Variants in CCDC146 observed in about 807,000 individuals in gnomAD.
CCDC146 encodes the protein coiled-coil domain-containing protein 146.
A neutral mutation model predicts 119.3 loss-of-function variants in CCDC146; 92 were observed. The observed-to-expected ratio is 0.77, with a 90% CI of 0.65 to 0.92. CCDC146 has a LOEUF of 0.92. Among genes scored for constraint, CCDC146 ranks in the 40% least tolerant of loss-of-function variants. The probability of loss-of-function intolerance (pLI) is 0.00; values close to 1 mark genes in which losing one functional copy is unlikely to be tolerated. For synonymous variants in CCDC146, 372 were observed against 371.8 expected, an observed-to-expected ratio of 1.00 and a Z score of -0.01; for missense variants, 1,000 against 1,103.0, an observed-to-expected ratio of 0.91 and a Z score of 1.32.
At chr7:77,127,054 C>T (rs1030417278) in intron 1 of CCDC146, among the ~76,000 whole-genome samples, 3 of 152,158 alleles carry the variant, frequency 2.0e-5, no homozygotes, top group Non-Finnish European at 2.9e-5. Context: ...CGGGAGCAGA[C>T]ACCCCAAGCC....
chr7:77,201,389 A>G (rs1283391617), intron 2 of CCDC146, among the ~76,000 whole-genome samples: 1 of 24,824 alleles, frequency 4.0e-5, no homozygotes, highest in East Asian at 1.1e-3. Context: ...TAAAAATACA[A>G]AAAAAAAAAA....
intron 2 of CCDC146, among the ~76,000 whole-genome samples, chr7:77,230,424 G>A (rs1232117130): frequency 1.3e-5 from 2 of 151,758 alleles, no homozygotes; most frequent in Non-Finnish European, 2.9e-5. Flanking sequence ...GGTTTATATT[G>A]GAATGTCTTT....
Position 77,196,306 on chromosome 7 carries a change from C to A in CCDC146, c.156+28482C>A. On this transcript the variant is annotated intron_variant, in intron 2 of 18. Transcript: ENST00000285871. The surrounding 1 kb of genome is among the most constrained non-coding windows in gnomAD (Gnocchi z 4.2). ...ATGGCTTAAAGTGCTTGGGTCTGAT[C>A]ATCATCTTAGCCTCTTTGAAGGAGG... 6.2e-7 allele frequency: 1 copy of A among 1,613,966 alleles called. No homozygotes were observed. The highest frequency in any genetic ancestry group is 8.5e-7 in the Non-Finnish European group (1 of 1,179,912).
At chr7:77,134,863 C>G (rs867475123) in intron 1 of CCDC146, among the ~76,000 whole-genome samples, 4 of 152,090 alleles carry the variant, frequency 2.6e-5, no homozygotes, top group African/African-American at 9.7e-5. Context: ...AAGACATAAA[C>G]AGATACAAAT....
rs1449031957 is a variant in CCDC146 at position 77,237,018 on chromosome 7, C to T, written c.228C>T (p.Asp76=). Residue 76 remains aspartate, a synonymous_variant, in exon 3 of 19, where the codon GAC becomes GAT. Transcript: ENST00000285871. The part of the protein sequence containing the change: ...ALKAKYTLLH[D]AVMSTQESEV... ...AAGCCAAGTATACCTTGCTGCATGA[C>T]GCCGTGATGAGGTATGCAATTTACC... 33 of 1,613,708 alleles carry T rather than the reference C, an allele frequency of 2.0e-5. No homozygotes were observed. The highest frequency in any genetic ancestry group is 3.3e-5 in the Admixed American group (2 of 60,010).
intron 2 of CCDC146, among the ~76,000 whole-genome samples, chr7:77,235,345 T>C (rs755339859): frequency 4.6e-5 from 7 of 152,176 alleles, no homozygotes; most frequent in Non-Finnish European, 1.0e-4. Flanking sequence ...GATTTGGAAG[T>C]CAGAAAAGGC....
chr7:77,256,739 A>G (rs183940344), intron 6 of CCDC146, among the ~76,000 whole-genome samples: 55 of 152,316 alleles, frequency 3.6e-4, no homozygotes, highest in Admixed American at 8.5e-4. Flanking sequence ...CCCTGCGGAA[A>G]AGGTCTCTCC....
chr7:77,225,104 TA>T (rs1792484368), intron 2 of CCDC146, among the ~76,000 whole-genome samples: 2 of 152,366 alleles, frequency 1.3e-5, no homozygotes, highest in South Asian at 4.1e-4. Context: ...ATAATGATTA[TA>T]ATAAAATAGC....
intron 2 of CCDC146, among the ~76,000 whole-genome samples, chr7:77,178,216 G>A (rs1791529351): frequency 6.6e-6 from 1 of 152,208 alleles, no homozygotes; most frequent in Non-Finnish European, 1.5e-5. Context: ...GACAAACATG[G>A]AGATTGATTT....
chr7:77,206,750 T>G (rs971545821), intron 2 of CCDC146, among the ~76,000 whole-genome samples: 1 of 151,258 alleles, frequency 6.6e-6, no homozygotes, highest in African/African-American at 2.4e-5. Context: ...ATATATTGTA[T>G]GTTATATGTC....
At chr7:77,284,566 T>C (rs1405435247) in intron 15 of CCDC146, among the ~76,000 whole-genome samples, 1 of 152,074 alleles carries the variant, frequency 6.6e-6, no homozygotes, top group Non-Finnish European at 1.5e-5. Flanking sequence ...ATTTCCTCTC[T>C]ATTGTATAAG....
intron 2 of CCDC146, among the ~76,000 whole-genome samples, chr7:77,222,173 C>A (rs4394326): frequency 0.015 from 2,328 of 152,298 alleles, 28 homozygotes; most frequent in Non-Finnish European, 0.024. Context: ...CTCCCAAGTT[C>A]CATTTTATGG....
chr7:77,274,866 C>T (rs548963690), intron 11 of CCDC146, among the ~76,000 whole-genome samples: 78 of 151,956 alleles, frequency 5.1e-4, no homozygotes, highest in Admixed American at 1.6e-3. Flanking sequence ...CATCACACAC[C>T]GGGGCCTGTT....
rs753472392 is a variant in CCDC146 at position 77,282,660 on chromosome 7, C to T, written c.2023C>T (p.Leu675=). ...AAATGGAGAAATTGAAATACATCTA[C>T]TGGAAGAAAAGATCCAATTCCTGAA... ...KLNGEIEIHL[L]EEKIQFLKMK... is the part of the protein sequence containing the mutation. The change falls in exon 15 of 19, where the codon CTG becomes TTG. Residue 675 remains leucine, a synonymous_variant. Coordinates refer to ENST00000285871, the MANE Select transcript of CCDC146 (RefSeq NM_020879.3). The T allele has an allele frequency of 4.3e-6, 7 of 1,612,632 alleles. No homozygotes were observed. In the Admixed American group the frequency reaches 1.0e-4, roughly 23 times the overall value.
chr7:77,294,465 T>TGTGTGG (rs1554364037), intron 18 of CCDC146, among the ~76,000 whole-genome samples, 198 bp from the exon 19 acceptor site: 61 of 55,328 alleles, frequency 1.1e-3, no homozygotes, highest in African/African-American at 3.6e-3. Flanking sequence ...GAGAGGTAGG[T>TGTGTGG]GTGTGTGTGT....
intron 9 of CCDC146, among the ~76,000 whole-genome samples, chr7:77,273,363 A>G (rs917646731): frequency 1.1e-4 from 17 of 152,190 alleles, no homozygotes; most frequent in African/African-American, 4.1e-4. Flanking sequence ...CAAATTATAG[A>G]TTTTTGGCAG....
intron 3 of CCDC146, among the ~76,000 whole-genome samples, chr7:77,241,029 GTCTCACTC>G: frequency 1.3e-5 from 1 of 78,656 alleles, no homozygotes; most frequent in Non-Finnish European, 3.1e-5. Flanking sequence ...TTGAGATGGA[GTCTCACTC>G]TGTCGCCCAG....
chr7:77,289,876 G>A (rs1793912893), intron 17 of CCDC146, among the ~76,000 whole-genome samples: 1 of 152,216 alleles, frequency 6.6e-6, no homozygotes, highest in Admixed American at 6.5e-5. Context: ...TGTAGTGGTT[G>A]CCATCCCATT....
intron 1 of CCDC146, among the ~76,000 whole-genome samples, chr7:77,123,402 A>C (rs1240009559): frequency 4.6e-5 from 4 of 86,726 alleles, no homozygotes; most frequent in East Asian, 7.6e-4. Context: ...TGACCCTATA[A>C]GGTGTGTGTG....
Sources: gnomAD v4.1 joint callset for allele counts (sites outside exome capture counted in the v4.1 genomes callset) on GRCh38, gnomAD v4.1.1 for gene constraint, Gnocchi (gnomAD v3.1) non-coding constraint, MANE v1.5 for transcripts, NCBI Gene and HGNC (gene_info 2026-07-23, HGNC 2026-07-21) for gene names.